Variants in SSX7 observed in about 807,000 individuals in gnomAD.
The protein encoded by SSX7 is SSX family member 7, also known as protein SSX7.
In SSX7, 15 loss-of-function variants were observed where a neutral mutation model predicts 14.7. The ratio of observed to expected loss-of-function variants is 1.02; its 90% CI spans 0.68 to 1.58. SSX7 has a LOEUF of 1.58. Ranked by LOEUF, SSX7 falls within the 40% of genes most tolerant of loss-of-function variation. The pLI, the probability that SSX7 is intolerant of heterozygous loss-of-function variation, is 0.00. For missense variants in SSX7, 178 were observed against 146.8 expected (o/e 1.21, Z -1.10); for synonymous variants, 46 against 50.6 (o/e 0.91, Z 0.38).
At chrX:52,652,426 C>T in intron 3 of SSX7, 79 bp from the exon 4 acceptor site, 2 of 728,199 alleles carry the variant, frequency 2.7e-6, no homozygotes, top group Non-Finnish European at 2.1e-6. Context: ...AGTACCAGTG[C>T]TTTGGGAGGC....
At chrX:52,650,665 A>T (rs1215094450) in intron 4 of SSX7, among the ~76,000 whole-genome samples, 3 of 111,815 alleles carry the variant, frequency 2.7e-5, no homozygotes, top group African/African-American at 9.8e-5. Context: ...CATATCTTTT[A>T]TTTTTTTCCA....
intron 5 of SSX7, 87 bp downstream of exon 5, chrX:52,650,266 A>AT: frequency 9.0e-7 from 1 of 1,117,183 alleles, no homozygotes; most frequent in Non-Finnish European, 1.2e-6. Context: ...CAGTGAGGGC[A>AT]TTTTTTATAT....
chrX:52,652,157 G>A, intron 4 of SSX7, 95 bp downstream of exon 4: 1 of 725,282 alleles, frequency 1.4e-6, no homozygotes, highest in Non-Finnish European at 2.2e-6. Flanking sequence ...TGATGTGTAT[G>A]AGGGAACAAA....
chrX:52,647,860 A>G (rs1276081080), intron 6 of SSX7, among the ~76,000 whole-genome samples: 2 of 112,071 alleles, frequency 1.8e-5, no homozygotes, highest in African/African-American at 3.2e-5. Flanking sequence ...TCTCTGAAGT[A>G]CAACTTTATT....
intron 4 of SSX7, 50 bp from the exon 5 acceptor site, chrX:52,650,452 C>T: frequency 8.8e-7 from 1 of 1,135,573 alleles, no homozygotes; most frequent in Non-Finnish European, 1.2e-6. Flanking sequence ...GATTTCCAAA[C>T]TCTAGAGACT....
At chrX:52,648,805 G>C (rs1437581778) in intron 5 of SSX7, among the ~76,000 whole-genome samples, 7 of 111,462 alleles carry the variant, frequency 6.3e-5, no homozygotes, top group African/African-American at 2.3e-4. Flanking sequence ...CATAGAGAGG[G>C]GACAAAACAC....
At chrX:52,648,862 T>G (rs1394273750) in intron 5 of SSX7, among the ~76,000 whole-genome samples, 1 of 109,587 alleles carries the variant, frequency 9.1e-6, no homozygotes, top group Non-Finnish European at 1.9e-5. Flanking sequence ...AAGGGAGAGG[T>G]AAAGAAATGG....
Position 52,644,402 on chromosome X carries a change from A to G in SSX7, c.*273T>C, listed in dbSNP as rs1925168360. 3 of 411,894 alleles carry G rather than the reference A, an allele frequency of 7.3e-6. No homozygotes were observed. The South Asian group carries it at 1.0e-4, about 14-fold the overall frequency. 33.9% of individuals were successfully genotyped at this position (411,894 alleles called of 1,213,427 possible). A position where few individuals can be genotyped will look rare whatever the true frequency, so the allele number is the denominator to read the frequency against. On this transcript the variant is annotated 3_prime_UTR_variant, in exon 8 of 8. Coordinates refer to ENST00000298181, the MANE Select transcript of SSX7 (RefSeq NM_173358.2). ...TGCTTTCTGAGGTAGGTGCATGGAT[A>G]CACAAACCGAAATACACATTAAGCA...
chrX:52,650,648 T>G (rs1252353582), intron 4 of SSX7, among the ~76,000 whole-genome samples: 4 of 112,475 alleles, frequency 3.6e-5, no homozygotes, highest in Non-Finnish European at 7.5e-5. Flanking sequence ...CTCATCTTAT[T>G]CCTTTACATA....
At chrX:52,649,028 CTT>C (rs782343480) in intron 5 of SSX7, among the ~76,000 whole-genome samples, 1 of 106,968 alleles carries the variant, frequency 9.3e-6, no homozygotes, top group Non-Finnish European at 1.9e-5. Flanking sequence ...TCTTAAGCTA[CTT>C]TTTTTTTTGT....
intron 1 of SSX7, among the ~76,000 whole-genome samples, chrX:52,653,977 A>T (rs1556767412): frequency 9.0e-6 from 1 of 111,319 alleles, no homozygotes. Context: ...TTGAAGAGAA[A>T]TGAGCATGGC....
chrX:52,650,810 G>A (rs1925402682), intron 4 of SSX7, among the ~76,000 whole-genome samples: 1 of 112,307 alleles, frequency 8.9e-6, no homozygotes, highest in Admixed American at 9.5e-5. Context: ...ATGAACCATG[G>A]ATGATTTAGT....
Position 52,645,546 on chromosome X carries a change from G to T in SSX7, c.467-3C>A, listed in dbSNP as rs782172995. 8.4e-7 allele frequency: 1 copy of T among 1,185,816 alleles called. No individual in the cohort carries two copies. The highest frequency in any genetic ancestry group is 1.8e-5 in the African/African-American group (1 of 55,341). ...GGCATGTTTCCCCCTTTTGGGTCCT[G>T]TGATGGAGAATAGTTGGAAAGTGAG... On this transcript the variant is annotated splice_polypyrimidine_tract_variant and splice_region_variant and intron_variant, in intron 6 of 7. Coordinates refer to ENST00000298181, the MANE Select transcript of SSX7 (RefSeq NM_173358.2).
chrX:52,653,190 T>C (rs781980679), intron 2 of SSX7: 2 of 752,062 alleles, frequency 2.7e-6, no homozygotes, highest in South Asian at 6.8e-5. Flanking sequence ...CTTTCCAGAA[T>C]GGACTGAGAT....
At chrX:52,649,033 T>C (rs1556766699) in intron 5 of SSX7, among the ~76,000 whole-genome samples, 2 of 111,059 alleles carry the variant, frequency 1.8e-5, no homozygotes, top group African/African-American at 3.3e-5. Flanking sequence ...AGCTACTTTT[T>C]TTTTTGTTGT....
rs3122210 is a variant in SSX7 at position 52,652,926 on chromosome X, A to G, written c.128T>C (p.Leu43Ser). The G allele has an allele frequency of 0.026, 31,826 of 1,202,268 alleles. 336 individuals carry two copies. The highest frequency in any genetic ancestry group is 0.07 in the Middle Eastern group (303 of 4,310). Residue 43 changes from leucine (L) to serine (S), a missense_variant, in exon 3 of 8, where the codon TTG becomes TCG. Leu to Ser is a moderately radical substitution (Grantham distance 145, BLOSUM62 -2). Transcript: ENST00000298181. ...SKKEWEKMKS[L>S]EKISYVYMKR... ...CATATACACATAGCTGATTTTCTCC[A>G]AGGATTTCATCTTTTCCCACTCTTT... is the stretch of plus-strand genomic sequence containing the variant.
Position 52,652,344 on chromosome X carries a change from A to T in SSX7, c.188T>A (p.Phe63Tyr). ...RKYEAMTKLG[F>Y]KATLPPFMHN... The stretch of plus-strand genomic sequence containing the variant: ...CATGAAAGGTGGGAGGGTGGCCTTG[A>T]AGCCTAGAAAGAAGCAAAATGTTTA... Residue 63 changes from phenylalanine (F) to tyrosine (Y), a missense_variant, in exon 4 of 8, where the codon TTC becomes TAC. Physicochemically the swap from Phe to Tyr is conservative, Grantham distance 22. Coordinates refer to ENST00000298181, the MANE Select transcript of SSX7 (RefSeq NM_173358.2). 8.4e-7 allele frequency: 1 copy of T among 1,194,815 alleles called. No individual in the cohort carries two copies. The highest frequency in any genetic ancestry group is 1.1e-6 in the Non-Finnish European group (1 of 881,608).
Position 52,653,340 on chromosome X carries a change from C to T in SSX7, c.69+64G>A, listed in dbSNP as rs1925502038. 4 of 1,208,267 alleles carry T rather than the reference C, an allele frequency of 3.3e-6. No individual in the cohort carries two copies. The African/African-American group carries it at 7.0e-5, about 21-fold the overall frequency. On this transcript the variant is annotated intron_variant, in intron 2 of 7. Transcript: ENST00000298181. ...TCCAGTATCTCTGTCCTCCCCTCCTCAGAAACTTGGCCACCCCACACTGTC... is the reference window on the plus strand; with the variant it reads ...TCCAGTATCTCTGTCCTCCCCTCCTTAGAAACTTGGCCACCCCACACTGTC...
chrX:52,649,997 T>C (rs1189310987), intron 5 of SSX7, among the ~76,000 whole-genome samples: 1 of 112,528 alleles, frequency 8.9e-6, no homozygotes, highest in African/African-American at 3.2e-5. Flanking sequence ...CTCAGAGAAC[T>C]TAGAAGACTT....
Sources: gnomAD v4.1 joint callset for allele counts (sites outside exome capture counted in the v4.1 genomes callset) on GRCh38, gnomAD v4.1.1 for gene constraint, MANE v1.5 for transcripts, NCBI Gene and HGNC (gene_info 2026-07-23, HGNC 2026-07-21) for gene names.